BEND5: variants seen among roughly 807,000 people sequenced by gnomAD.
BEND5 encodes BEN domain containing 5.
A neutral mutation model predicts 43.9 loss-of-function variants in BEND5; 22 were observed. That is an observed-to-expected ratio of 0.50 (90% CI 0.36 to 0.72). BEND5 has a LOEUF of 0.72. BEND5 is among the 30% of genes least tolerant of loss of function. The probability of loss-of-function intolerance (pLI) is 0.00; values close to 1 mark genes in which losing one functional copy is unlikely to be tolerated. For missense variants in BEND5, 428 were observed against 550.6 expected (o/e 0.78, Z 2.23); for synonymous variants, 228 against 225.9 (o/e 1.01, Z -0.08).
intron 2 of BEND5, among the ~76,000 whole-genome samples, chr1:48,759,594 C>CCTTT (rs1644145487): frequency 6.6e-6 from 1 of 152,240 alleles, no homozygotes; most frequent in African/African-American, 2.4e-5. Context: ...GACCACCCTT[C>CCTTT]CCAACTCCCC....
intron 5 of BEND5, among the ~76,000 whole-genome samples, chr1:48,734,470 G>C (rs1179746200): frequency 6.6e-6 from 1 of 152,142 alleles, no homozygotes; most frequent in Non-Finnish European, 1.5e-5. Context: ...GTCACTCCAT[G>C]ACTGGAAGAC....
At chr1:48,732,535 C>T (rs947410531) in intron 5 of BEND5, among the ~76,000 whole-genome samples, 1 of 150,848 alleles carries the variant, frequency 6.6e-6, no homozygotes, top group African/African-American at 2.5e-5. Context: ...ATGTGACAGA[C>T]AGCAATGGAG....
intron 5 of BEND5, among the ~76,000 whole-genome samples, chr1:48,734,338 A>G (rs376371055): frequency 5.9e-5 from 9 of 151,696 alleles, no homozygotes; most frequent in Admixed American, 3.3e-4. Flanking sequence ...GCCACCTTGA[A>G]CTCCAAAATA....
At chr1:48,760,813 G>C (rs565518141) in intron 2 of BEND5, among the ~76,000 whole-genome samples, 9 of 152,322 alleles carry the variant, frequency 5.9e-5, no homozygotes, top group Non-Finnish European at 8.8e-5. Context: ...ATTTTCAGCA[G>C]TTTCCAAAGT....
At chr1:48,753,295 G>A (rs897939531) in intron 3 of BEND5, among the ~76,000 whole-genome samples, 2 of 152,216 alleles carry the variant, frequency 1.3e-5, no homozygotes, top group Admixed American at 6.5e-5. Flanking sequence ...AGACACCTGA[G>A]AAGGGTTAAA....
At chr1:48,749,385 C>T (rs562178430) in intron 3 of BEND5, among the ~76,000 whole-genome samples, 16 of 152,260 alleles carry the variant, frequency 1.1e-4, no homozygotes, top group African/African-American at 2.9e-4. Flanking sequence ...TCACTAAACA[C>T]GTGTTTAGCG....
At chr1:48,760,892 C>T (rs908811151) in intron 2 of BEND5, among the ~76,000 whole-genome samples, 28 of 152,202 alleles carry the variant, frequency 1.8e-4, no homozygotes, top group Admixed American at 1.3e-4. Flanking sequence ...TCATCTAACC[C>T]GAGGTCTCAC....
chr1:48,738,612 G>A (rs1649434737), intron 4 of BEND5, among the ~76,000 whole-genome samples: 1 of 152,180 alleles, frequency 6.6e-6, no homozygotes, highest in East Asian at 1.9e-4. Flanking sequence ...GAAAAACAAG[G>A]AACTTTGAAT....
intron 4 of BEND5, among the ~76,000 whole-genome samples, chr1:48,740,136 A>G (rs1013809316): frequency 2.0e-5 from 3 of 152,240 alleles, no homozygotes; most frequent in African/African-American, 7.2e-5. Flanking sequence ...CATTCACTCA[A>G]GTACAAGGCC....
At chr1:48,731,645 C>G (rs1346996541) in intron 5 of BEND5, among the ~76,000 whole-genome samples, 1 of 152,170 alleles carries the variant, frequency 6.6e-6, no homozygotes, top group South Asian at 2.1e-4. Context: ...GTAGTGGGAC[C>G]TGTGTTCCAG....
intron 5 of BEND5, among the ~76,000 whole-genome samples, chr1:48,731,885 A>G (rs1648196885): frequency 6.6e-6 from 1 of 152,144 alleles, no homozygotes; most frequent in Non-Finnish European, 1.5e-5. Context: ...GTGGTGGTCA[A>G]GGGATATCTG....
intron 3 of BEND5, among the ~76,000 whole-genome samples, chr1:48,758,307 A>G (rs1229462445): frequency 6.6e-6 from 1 of 152,180 alleles, no homozygotes; most frequent in Non-Finnish European, 1.5e-5. Context: ...GCACATTTGC[A>G]TTATTCCTCT....
At chr1:48,728,150 A>C (rs1165768722) in intron 5 of BEND5, 107 bp from the exon 6 acceptor site, 1 of 1,009,388 alleles carries the variant, frequency 9.9e-7, no homozygotes, top group Non-Finnish European at 1.4e-6. Flanking sequence ...CCCAAATACC[A>C]GCTTATGTAT....
Position 48,736,539 on chromosome 1 carries a change from A to C in BEND5, c.895-87T>G. The C allele has an allele frequency of 8.8e-7, 1 of 1,141,130 alleles. No individual in the cohort carries two copies. The highest frequency in any genetic ancestry group is 2.4e-5 in the East Asian group (1 of 42,462). 70.7% of individuals were successfully genotyped at this position (1,141,130 alleles called of 1,614,324 possible). A position where few individuals can be genotyped will look rare whatever the true frequency, so the allele number is the denominator to read the frequency against. ...CTTGTCCTTTAAAAAGCATTGCTGC[A>C]CAACTGTAAGAGATTCATGTCATAA... On this transcript the variant is annotated intron_variant, in intron 4 of 5. Coordinates refer to ENST00000371833, the MANE Select transcript of BEND5 (RefSeq NM_024603.4). The surrounding 1 kb of genome is among the most constrained non-coding windows in gnomAD (Gnocchi z 4.0).
At chr1:48,751,121 G>C (rs1267886648) in intron 3 of BEND5, among the ~76,000 whole-genome samples, 2 of 152,280 alleles carry the variant, frequency 1.3e-5, no homozygotes, top group Middle Eastern at 3.4e-3. Context: ...CTATAAGATA[G>C]GGGTGAAAGG....
chr1:48,773,499 G>C (rs1323951584), intron 1 of BEND5, among the ~76,000 whole-genome samples: 5 of 152,160 alleles, frequency 3.3e-5, no homozygotes, highest in Non-Finnish European at 7.3e-5. Context: ...GGGGACAGCT[G>C]TGTGTGCTCT....
chr1:48,752,969 C>T (rs1169401638), intron 3 of BEND5, among the ~76,000 whole-genome samples: 2 of 152,064 alleles, frequency 1.3e-5, no homozygotes, highest in East Asian at 1.9e-4. Flanking sequence ...AGGATGGTCT[C>T]GATCTCTTGA....
At chr1:48,754,596 C>G (rs1652247326) in intron 3 of BEND5, among the ~76,000 whole-genome samples, 2 of 152,124 alleles carry the variant, frequency 1.3e-5, no homozygotes, top group African/African-American at 4.8e-5. Flanking sequence ...GAAAAGGGGA[C>G]TGGCATTTAT....
chr1:48,751,644 T>A (rs556583655), intron 3 of BEND5, among the ~76,000 whole-genome samples: 5 of 152,082 alleles, frequency 3.3e-5, no homozygotes, highest in African/African-American at 1.2e-4. Context: ...GCCTGGCAAA[T>A]CCAAAAAAAA....
Sources: gnomAD v4.1 joint callset for allele counts (sites outside exome capture counted in the v4.1 genomes callset) on GRCh38, gnomAD v4.1.1 for gene constraint, Gnocchi (gnomAD v3.1) non-coding constraint, MANE v1.5 for transcripts, NCBI Gene and HGNC (gene_info 2026-07-23, HGNC 2026-07-21) for gene names.